OPCML: variants seen among roughly 807,000 people sequenced by gnomAD.
The protein encoded by OPCML is opioid-binding protein/cell adhesion molecule.
In OPCML, 13 loss-of-function variants were observed where a neutral mutation model predicts 37.8. The ratio of observed to expected loss-of-function variants is 0.34; its 90% CI spans 0.22 to 0.55. OPCML has a LOEUF of 0.55. OPCML is among the 20% of genes least tolerant of loss of function. The probability of loss-of-function intolerance (pLI) is 0.91; values close to 1 mark genes in which losing one functional copy is unlikely to be tolerated. For synonymous variants in OPCML, 176 were observed against 168.8 expected (o/e 1.04, Z -0.33); for missense variants, 341 against 435.6 (o/e 0.78, Z 1.93).
At chr11:132,523,560 C>A (rs989567810) in intron 4 of OPCML, among the ~76,000 whole-genome samples, 2 of 152,028 alleles carry the variant, frequency 1.3e-5, no homozygotes, top group Non-Finnish European at 2.9e-5. Flanking sequence ...GGTGCACTGA[C>A]TTTAGGAAGA....
At chr11:132,666,819 C>T (rs949393259) in intron 2 of OPCML, among the ~76,000 whole-genome samples, 1 of 152,164 alleles carries the variant, frequency 6.6e-6, no homozygotes, top group Non-Finnish European at 1.5e-5. Flanking sequence ...TTCCACAGGG[C>T]TGCAGAGGTA....
At chr11:132,635,297 G>A (rs959597989) in intron 3 of OPCML, among the ~76,000 whole-genome samples, 12 of 152,080 alleles carry the variant, frequency 7.9e-5, no homozygotes, top group African/African-American at 2.9e-4. Flanking sequence ...TTTTTAAGAA[G>A]TCCTAAAGAA....
rs544609685 is a variant in OPCML, at chr11:133,006,400, A to G, written c.62-63390T>C. 5.0e-4 allele frequency: 492 copies of G among 975,942 alleles called. 3 individuals carry two copies. The Middle Eastern group carries it at 0.011, about 21-fold the overall frequency. 60.5% of individuals were successfully genotyped at this position (975,942 alleles called of 1,614,324 possible). ...TCTTGGCCATGGGACAAAGAACCCC[A>G]TCTTTAGCTGAACTGAAAAAAAGTC... On this transcript the variant is annotated intron_variant, in intron 1 of 7. Coordinates refer to ENST00000524381, the MANE Select transcript of OPCML (RefSeq NM_001012393.5).
chr11:133,339,201 T>C (rs1046456569), intron 1 of OPCML, among the ~76,000 whole-genome samples: 1 of 152,246 alleles, frequency 6.6e-6, no homozygotes, highest in African/African-American at 2.4e-5. Context: ...ACTATTGAGT[T>C]CTTTAATATA....
chr11:132,549,412 A>G (rs903025205), intron 3 of OPCML, among the ~76,000 whole-genome samples: 1 of 152,132 alleles, frequency 6.6e-6, no homozygotes, highest in Admixed American at 6.5e-5. Context: ...TCAAGAAATA[A>G]CCATAAGTAT....
At chr11:132,440,292 A>C (rs2096028096) in intron 4 of OPCML, among the ~76,000 whole-genome samples, 1 of 152,170 alleles carries the variant, frequency 6.6e-6, no homozygotes, top group African/African-American at 2.4e-5. Flanking sequence ...AAGTTTGTAC[A>C]ATGTGCTTCT....
intron 2 of OPCML, chr11:132,860,115 G>C (rs373334736): frequency 6.6e-6 from 1 of 152,322 alleles, no homozygotes; most frequent in South Asian, 2.1e-4. Flanking sequence ...TGAATTTCGT[G>C]TATGCAAAGC....
chr11:133,481,221 C>T (rs1234024600), intron 1 of OPCML, among the ~76,000 whole-genome samples: 6 of 152,152 alleles, frequency 3.9e-5, no homozygotes, highest in Non-Finnish European at 5.9e-5. Context: ...TACAAAAGTA[C>T]ACGAGGCTGC....
intron 2 of OPCML, among the ~76,000 whole-genome samples, chr11:132,815,073 A>G (rs913595357): frequency 1.3e-5 from 2 of 151,964 alleles, no homozygotes; most frequent in Admixed American, 1.3e-4. Flanking sequence ...CCCCCATAAA[A>G]CCCTTTGCTG....
chr11:133,297,072 A>G (rs999186468), intron 1 of OPCML: 1 of 152,206 alleles, frequency 6.6e-6, no homozygotes, highest in East Asian at 1.9e-4. Context: ...GAATGGGACC[A>G]CTTGGGAAGG....
intron 1 of OPCML, among the ~76,000 whole-genome samples, chr11:133,079,536 T>C (rs1422882746): frequency 1.3e-5 from 2 of 151,520 alleles, no homozygotes; most frequent in Non-Finnish European, 2.9e-5. Context: ...CTAAAACAAA[T>C]CTGCCCGAGT....
rs1036524199 is a variant in OPCML, at chr11:133,058,635, G to A, written c.62-115625C>T. Among the ~76,000 whole-genome samples the A allele has an allele frequency of 9.8e-5, 15 of 152,320 alleles. No homozygotes were observed. In the South Asian group the frequency reaches 1.7e-3, roughly 17 times the overall value. ...CAGCTCTGGAGGGACCAGGCATCTC[G>A]GAGCACGCTGGCTAAATCAGGTAGT... On this transcript the variant is annotated intron_variant, in intron 1 of 7. Transcript: ENST00000524381.
chr11:132,621,019 C>T (rs1255825958), intron 3 of OPCML, among the ~76,000 whole-genome samples: 1 of 152,208 alleles, frequency 6.6e-6, no homozygotes, highest in Non-Finnish European at 1.5e-5. Context: ...GTCAAGGAAG[C>T]CAACAGAATC....
Position 133,047,893 on chromosome 11 carries a change from C to G in OPCML, c.62-104883G>C, listed in dbSNP as rs565292527. Reference sequence around the variant, plus strand: ...CCCCTGGGAGATGTTAGCCAGGCTTCCTCTGAGAGCCAGACGCCCTCCATT... The same window carrying G: ...CCCCTGGGAGATGTTAGCCAGGCTTGCTCTGAGAGCCAGACGCCCTCCATT... On this transcript the variant is annotated intron_variant, in intron 1 of 7. Coordinates refer to ENST00000524381, the MANE Select transcript of OPCML (RefSeq NM_001012393.5). Among the ~76,000 whole-genome samples, 40 of 152,328 alleles carry G rather than the reference C, an allele frequency of 2.6e-4. No individual in the cohort carries two copies. The South Asian group carries it at 7.7e-3, about 29-fold the overall frequency.
chr11:133,372,753 C>T lies in OPCML; in HGVS notation c.61+159511G>A, dbSNP rs1278887834. Among the ~76,000 whole-genome samples the T allele has an allele frequency of 2.6e-5, 4 of 152,106 alleles. No homozygotes were observed. In the South Asian group the frequency reaches 8.3e-4, roughly 32 times the overall value. On this transcript the variant is annotated intron_variant, in intron 1 of 7. Coordinates refer to ENST00000524381, the MANE Select transcript of OPCML (RefSeq NM_001012393.5). ...CACTGAGTTCCCTAAAAGCTAAATG[C>T]CCTTCATTTCTCATTTTGGTGGCCT...
chr11:133,405,834 T>C (rs1484957150), intron 1 of OPCML, among the ~76,000 whole-genome samples: 1 of 152,152 alleles, frequency 6.6e-6, no homozygotes, highest in East Asian at 1.9e-4. Flanking sequence ...GCCCTCCAAA[T>C]CTAGGCCCAA....
At chr11:132,547,956 G>C (rs1430304887) in intron 3 of OPCML, among the ~76,000 whole-genome samples, 1 of 152,198 alleles carries the variant, frequency 6.6e-6, no homozygotes, top group Non-Finnish European at 1.5e-5. Context: ...GTAAAAATGA[G>C]AGCTTAGACC....
At chr11:133,518,568 T>C (rs1948334555) in intron 1 of OPCML, among the ~76,000 whole-genome samples, 1 of 151,958 alleles carries the variant, frequency 6.6e-6, no homozygotes, top group Non-Finnish European at 1.5e-5. Flanking sequence ...AGTGTGTGTG[T>C]GCCTATGGCT....
At chr11:133,202,070 A>T (rs971721373) in intron 1 of OPCML, among the ~76,000 whole-genome samples, 1 of 152,204 alleles carries the variant, frequency 6.6e-6, no homozygotes, top group South Asian at 2.1e-4. Flanking sequence ...ACTGTCAGCC[A>T]TTGAGAACTG....
Sources: gnomAD v4.1 joint callset for allele counts (sites outside exome capture counted in the v4.1 genomes callset) on GRCh38, gnomAD v4.1.1 for gene constraint, MANE v1.5 for transcripts, NCBI Gene and HGNC (gene_info 2026-07-23, HGNC 2026-07-21) for gene names.